The following TRIO variants were observed in gnomAD, a reference collection of about 807,000 sequenced individuals.
The protein encoded by TRIO is triple functional domain protein.
A neutral mutation model predicts 351.9 loss-of-function variants in TRIO; 58 were observed. That is an observed-to-expected ratio of 0.16 (90% confidence interval 0.13 to 0.21). The LOEUF (loss-of-function observed/expected upper bound fraction) is 0.21, where lower values mean the gene tolerates loss of function less well. Ranked by LOEUF, TRIO falls within the 10% of genes least tolerant of loss-of-function variation. The pLI is 1.00. For missense variants in TRIO, 3,201 were observed against 4,027.8 expected (o/e 0.79, Z 5.56); for synonymous variants, 1,758 against 1,595.7 (o/e 1.10, Z -2.42).
intron 53 of TRIO, among the ~76,000 whole-genome samples, chr5:14,499,374 G>A (rs1436830884): frequency 5.9e-5 from 9 of 152,230 alleles, no homozygotes; most frequent in Non-Finnish European, 1.3e-4. Context: ...GATAGCTGCT[G>A]AGAAAGGTGT....
intron 1 of TRIO, among the ~76,000 whole-genome samples, chr5:14,245,252 G>A (rs1967180): frequency 0.61 from 92,633 of 152,048 alleles, 30,945 homozygotes; most frequent in East Asian, 0.96. Flanking sequence ...TGTTGAAAAT[G>A]CTGGCACAGT....
intron 1 of TRIO, among the ~76,000 whole-genome samples, chr5:14,187,026 T>C (rs1790162273): frequency 6.6e-6 from 1 of 152,170 alleles, no homozygotes; most frequent in Non-Finnish European, 1.5e-5. Context: ...CGTGAGGGCT[T>C]GGTAATACCA....
chr5:14,254,763 G>A (rs961404816), intron 1 of TRIO, among the ~76,000 whole-genome samples: 3 of 152,160 alleles, frequency 2.0e-5, no homozygotes, highest in Admixed American at 6.5e-5. Context: ...TTATTTCTAC[G>A]GGAAAATATA....
intron 43 of TRIO, among the ~76,000 whole-genome samples, 191 bp from the exon 44 acceptor site, chr5:14,481,043 A>G (rs1755473062): frequency 6.6e-6 from 1 of 151,986 alleles, no homozygotes; most frequent in Admixed American, 6.6e-5. Context: ...CAAAAAGGTT[A>G]GCTTGTGTGC....
At position 14,487,702 on chromosome 5, in the gene TRIO, G is replaced by C; in HGVS notation, c.7074G>C (p.Ser2358=). The C allele has an allele frequency of 7.0e-7, 1 of 1,436,906 alleles. No individual in the cohort carries two copies. Among genetic ancestry groups the C allele is most frequent in the Non-Finnish European group, 9.2e-7 (1 of 1,085,514 alleles). The allele number at this position is 1,436,906 out of a possible 1,614,324, so 89.0% of individuals were successfully genotyped here. A position where few individuals can be genotyped will look rare whatever the true frequency, so the allele number is the denominator to read the frequency against. ...CCGTGCTGGTCTCCTCTGCAGCCTCGAGCCAGGCAGAGGCAGACAAGATGT... is the reference window on the plus strand; with the variant it reads ...CCGTGCTGGTCTCCTCTGCAGCCTCCAGCCAGGCAGAGGCAGACAAGATGT... ...HPPVLVSSAA[S]SQAEADKMSG... is the part of the protein sequence containing the mutation. The change falls in exon 48 of 57, where the codon TCG becomes TCC. Residue 2358 remains serine (S), a synonymous_variant. Coordinates refer to ENST00000344204, the MANE Select transcript of TRIO (RefSeq NM_007118.4).
Position 14,487,865 on chromosome 5 carries a change from A to G in TRIO, c.7237A>G (p.Lys2413Glu), listed in dbSNP as rs1243521830. 1 of 1,533,680 alleles carries G rather than the reference A, an allele frequency of 6.5e-7. No homozygotes were observed. The highest frequency in any genetic ancestry group is 8.8e-7 in the Non-Finnish European group (1 of 1,140,282). Residue 2413 changes from lysine to glutamate, a missense_variant, in exon 48 of 57, where the codon AAG becomes GAG. Coordinates refer to ENST00000344204, the MANE Select transcript of TRIO (RefSeq NM_007118.4). ...AGAAGCGGAGCCGATCCCCAAGATG[A>G]AGGTGCTGGAGAGCCCCAGGAAAGG... is the stretch of plus-strand genomic sequence containing the variant. The part of the protein sequence containing the change: ...EREAEPIPKM[K>E]VLESPRKGAA...
chr5:14,463,277 T>C (rs1177507891), intron 36 of TRIO, among the ~76,000 whole-genome samples: 1 of 152,260 alleles, frequency 6.6e-6, no homozygotes, highest in Non-Finnish European at 1.5e-5. Flanking sequence ...CAGGTCTGTC[T>C]GAAGGCATCA....
Position 14,366,952 on chromosome 5 carries a change from G to C in TRIO, c.2847G>C (p.Glu949Asp). 3 of 1,614,168 alleles carry C rather than the reference G, an allele frequency of 1.9e-6. No individual in the cohort carries two copies. The highest frequency in any genetic ancestry group is 2.2e-5 in the South Asian group (2 of 91,086). ...AAGAGGCAGAGCAGCTCCAGCGAGA[G>C]CACGAGCAGTTCCAGCATGCCATTG... The part of the protein sequence containing the change: ...SLQEAEQLQR[E>D]HEQFQHAIEK... The change falls in exon 16 of 57, where the codon GAG (glutamate) becomes GAC (aspartate). Residue 949 changes from glutamate to aspartate, a missense_variant. By Grantham distance (45) the Glu-to-Asp change is conservative (BLOSUM62 2). Around this residue, in one of 19 missense-constraint regions of TRIO, gnomAD observed 363 missense variants for 553.5 expected, o/e 0.66. Transcript: ENST00000344204.
chr5:14,455,172 A>C (rs1753180083), intron 34 of TRIO, among the ~76,000 whole-genome samples: 1 of 152,084 alleles, frequency 6.6e-6, no homozygotes. Context: ...AGGGGACCCA[A>C]ATGGGTTGCC....
At chr5:14,349,193 T>C (rs925388499) in intron 11 of TRIO, among the ~76,000 whole-genome samples, 2 of 151,566 alleles carry the variant, frequency 1.3e-5, no homozygotes, top group African/African-American at 4.8e-5. Context: ...CCTGTGTGTA[T>C]ATGTGTGCAC....
chr5:14,374,871 G>C (rs1745420954), intron 19 of TRIO, among the ~76,000 whole-genome samples: 1 of 151,988 alleles, frequency 6.6e-6, no homozygotes, highest in Admixed American at 6.6e-5. Context: ...TAAGTGTTTA[G>C]AAAAAGGTCT....
At chr5:14,368,924 G>T in intron 17 of TRIO, 25 bp downstream of exon 17, 1 of 1,601,680 alleles carries the variant, frequency 6.2e-7, no homozygotes, top group South Asian at 1.1e-5. Flanking sequence ...TCCCTTCCTT[G>T]AACTCCACTG....
chr5:14,395,891 A>G (rs79353949), intron 28 of TRIO, among the ~76,000 whole-genome samples: 5,303 of 152,054 alleles, frequency 0.035, 328 homozygotes, highest in African/African-American at 0.12. Context: ...TAAAAATTCA[A>G]AAATACTAGC....
chr5:14,306,884 GTTTTA>G (rs1405779073), intron 8 of TRIO, among the ~76,000 whole-genome samples: 1 of 152,110 alleles, frequency 6.6e-6, no homozygotes, highest in Admixed American at 6.5e-5. Flanking sequence ...CTGTGGTATA[GTTTTA>G]TTTGATTTAC....
At chr5:14,396,649 A>G (rs1158569818) in intron 28 of TRIO, among the ~76,000 whole-genome samples, 1 of 146,952 alleles carries the variant, frequency 6.8e-6, no homozygotes, top group Admixed American at 6.8e-5. Context: ...TTTTTTTTTT[A>G]AGTAGAGATG....
intron 1 of TRIO, among the ~76,000 whole-genome samples, chr5:14,259,120 A>C (rs1795196589): frequency 6.6e-6 from 1 of 152,162 alleles, no homozygotes; most frequent in South Asian, 2.1e-4. Context: ...GAGGGTCCTC[A>C]CGCCTCCAGC....
chr5:14,347,483 C>T (rs1671156994), intron 11 of TRIO, among the ~76,000 whole-genome samples: 1 of 152,248 alleles, frequency 6.6e-6, no homozygotes, highest in Non-Finnish European at 1.5e-5. Flanking sequence ...TAACTGACTC[C>T]ACGTAACCTA....
chr5:14,211,915 C>A (rs1243943384), intron 1 of TRIO, among the ~76,000 whole-genome samples: 2 of 150,534 alleles, frequency 1.3e-5, no homozygotes, highest in African/African-American at 4.9e-5. Context: ...AGTTCAAGAC[C>A]AGCCTAGGCA....
chr5:14,488,404 C>T (rs1756207623), intron 48 of TRIO, 144 bp downstream of exon 48: 6 of 1,295,288 alleles, frequency 4.6e-6, no homozygotes, highest in Admixed American at 2.8e-5. Context: ...CCAGGCTAAC[C>T]CTCCTGCGGG....
Sources: gnomAD v4.1 joint callset for allele counts (sites outside exome capture counted in the v4.1 genomes callset) on GRCh38, gnomAD v4.1.1 for gene constraint, gnomAD v4.1.1 regional missense constraint, MANE v1.5 for transcripts, NCBI Gene and HGNC (gene_info 2026-07-23, HGNC 2026-07-21) for gene names.